Variants in TTC28 observed in about 807,000 individuals in gnomAD.
The protein encoded by TTC28 is tetratricopeptide repeat domain 28, also known as tetratricopeptide repeat protein 28.
TTC28 carries 61 observed loss-of-function variants against 198.0 expected under a neutral mutation model. The ratio of observed to expected loss-of-function variants is 0.31; its 90% confidence interval spans 0.25 to 0.38. The LOEUF (loss-of-function observed/expected upper bound fraction) is 0.38, where lower values mean the gene tolerates loss of function less well. Among genes scored for constraint, TTC28 ranks in the 10% least tolerant of loss-of-function variants. The probability of loss-of-function intolerance (pLI) is 1.00; values close to 1 mark genes in which losing one functional copy is unlikely to be tolerated. For missense variants in TTC28, 2,678 were observed against 3,164.0 expected (o/e 0.85, Z 3.69); for synonymous variants, 1,171 against 1,297.8 (o/e 0.90, Z 2.10).
At chr22:28,030,449 C>T in intron 12 of TTC28, 83 bp from the exon 13 acceptor site, 1 of 1,509,838 alleles carries the variant, frequency 6.6e-7, no homozygotes, top group Non-Finnish European at 8.9e-7. Context: ...CTATGCCATT[C>T]TGTCACCAAA....
chr22:28,660,944 C>G (rs1378745264), intron 1 of TTC28, among the ~76,000 whole-genome samples: 1 of 151,772 alleles, frequency 6.6e-6, no homozygotes, highest in African/African-American at 2.4e-5. Flanking sequence ...CCCTTTATTT[C>G]AAAGTTGCAT....
chr22:28,569,576 A>C (rs1246307006), intron 2 of TTC28, among the ~76,000 whole-genome samples: 1 of 152,196 alleles, frequency 6.6e-6, no homozygotes, highest in Non-Finnish European at 1.5e-5. Context: ...TTAAAGACTT[A>C]AATGTAAAAC....
intron 2 of TTC28, among the ~76,000 whole-genome samples, chr22:28,579,518 T>C (rs1385363245): frequency 6.7e-6 from 1 of 149,088 alleles, no homozygotes; most frequent in Non-Finnish European, 1.5e-5. Flanking sequence ...GTTATATGTA[T>C]AGTTATATAT....
intron 3 of TTC28, 48 bp from the exon 4 acceptor site, chr22:28,297,900 G>A: frequency 1.3e-6 from 2 of 1,525,736 alleles, no homozygotes; most frequent in Non-Finnish European, 8.8e-7. Context: ...AATGTAGGAT[G>A]ATACAAAAAC....
At chr22:28,417,964 T>G (rs924022834) in intron 2 of TTC28, among the ~76,000 whole-genome samples, 2 of 152,214 alleles carry the variant, frequency 1.3e-5, no homozygotes, top group Non-Finnish European at 2.9e-5. Flanking sequence ...GCACTCCCAA[T>G]GCATTAAAAG....
At chr22:28,206,786 A>T (rs1258342376) in intron 5 of TTC28, among the ~76,000 whole-genome samples, 4 of 152,150 alleles carry the variant, frequency 2.6e-5, no homozygotes, top group Non-Finnish European at 2.9e-5. Context: ...GCCACACTAC[A>T]TTCTAGCTGC....
chr22:28,613,302 A>T (rs2050850398), intron 2 of TTC28, among the ~76,000 whole-genome samples: 1 of 152,222 alleles, frequency 6.6e-6, no homozygotes, highest in South Asian at 2.1e-4. Context: ...TTAAGGCAGT[A>T]ATTAATAGCC....
intron 13 of TTC28, among the ~76,000 whole-genome samples, chr22:28,025,151 T>A (rs1000806163): frequency 4.7e-5 from 7 of 148,460 alleles, no homozygotes; most frequent in Non-Finnish European, 1.0e-4. Context: ...GGAAGAAGCA[T>A]CAATCTATCA....
chr22:28,288,762 G>A (rs1386337949), intron 5 of TTC28, among the ~76,000 whole-genome samples: 7 of 148,498 alleles, frequency 4.7e-5, no homozygotes, highest in African/African-American at 9.9e-5. Context: ...GCAGTGAGCC[G>A]AGATCACGCT....
intron 2 of TTC28, among the ~76,000 whole-genome samples, chr22:28,537,780 A>G (rs1228238031): frequency 6.6e-6 from 1 of 152,222 alleles, no homozygotes; most frequent in Non-Finnish European, 1.5e-5. Context: ...ATACATCTAT[A>G]TGTTCGCTAT....
At chr22:28,434,853 C>G (rs1277562375) in intron 2 of TTC28, among the ~76,000 whole-genome samples, 3 of 152,174 alleles carry the variant, frequency 2.0e-5, no homozygotes, top group Non-Finnish European at 4.4e-5. Flanking sequence ...GGCCCCTATT[C>G]CAAATGTCAG....
intron 2 of TTC28, among the ~76,000 whole-genome samples, chr22:28,528,542 C>T (rs1468431561): frequency 6.7e-6 from 1 of 148,722 alleles, no homozygotes; most frequent in African/African-American, 2.5e-5. Context: ...CCAGCCTGGA[C>T]ATGATAAAAC....
chr22:28,172,463 G>A (rs1012322010), intron 5 of TTC28, among the ~76,000 whole-genome samples: 1 of 152,184 alleles, frequency 6.6e-6, no homozygotes, highest in East Asian at 1.9e-4. Flanking sequence ...CCCAGGCGTC[G>A]CTGTTCTCAG....
chr22:28,404,175 A>G (rs2046963007), intron 2 of TTC28, among the ~76,000 whole-genome samples: 1 of 152,164 alleles, frequency 6.6e-6, no homozygotes, highest in Non-Finnish European at 1.5e-5. Flanking sequence ...GTTGGAGTGC[A>G]GTGGCACCAT....
At chr22:28,490,962 A>G (rs2048368369) in intron 2 of TTC28, among the ~76,000 whole-genome samples, 1 of 152,224 alleles carries the variant, frequency 6.6e-6, no homozygotes, top group South Asian at 2.1e-4. Context: ...ATCATACAGT[A>G]GTTTAAGCTG....
intron 1 of TTC28, among the ~76,000 whole-genome samples, chr22:28,634,465 C>T (rs2051231868): frequency 6.7e-6 from 1 of 149,690 alleles, no homozygotes; most frequent in Non-Finnish European, 1.5e-5. Flanking sequence ...AAAGATCGCC[C>T]CACTGCACTC....
chr22:28,573,431 C>A (rs1022510142), intron 2 of TTC28, among the ~76,000 whole-genome samples: 3 of 150,562 alleles, frequency 2.0e-5, no homozygotes, highest in Non-Finnish European at 3.0e-5. Flanking sequence ...TCCAGCCTGG[C>A]GACAGAGCGA....
chr22:28,594,680 T>C (rs1420037446), intron 2 of TTC28, among the ~76,000 whole-genome samples: 1 of 152,168 alleles, frequency 6.6e-6, no homozygotes, highest in African/African-American at 2.4e-5. Flanking sequence ...AATCCCTAGA[T>C]ATCATTGCAC....
chr22:28,255,462 AC>A (rs1207131530), intron 5 of TTC28, among the ~76,000 whole-genome samples: 1 of 152,032 alleles, frequency 6.6e-6, no homozygotes, highest in Non-Finnish European at 1.5e-5. Context: ...TGGGTGGATC[AC>A]CTGAGGTCAG....
Sources: allele counts gnomAD v4.1 joint callset (sites outside exome capture counted in the v4.1 genomes callset), GRCh38; gene constraint gnomAD v4.1.1; transcripts MANE v1.5; gene names NCBI Gene and HGNC (gene_info 2026-07-23, HGNC 2026-07-21).